TMEM25: variants seen among roughly 807,000 people sequenced by gnomAD.
TMEM25 encodes 0610039J01Rik.
A neutral mutation model predicts 37.0 loss-of-function variants in TMEM25; 36 were observed. That is an observed-to-expected ratio of 0.97 (90% CI 0.75 to 1.28). The LOEUF (loss-of-function observed/expected upper bound fraction) is 1.28. Ranked by LOEUF, TMEM25 falls within the 50% of genes most tolerant of loss-of-function variation. The pLI, the probability that TMEM25 is intolerant of heterozygous loss-of-function variation, is 0.00. For missense variants in TMEM25, 444 were observed against 477.9 expected, an observed-to-expected ratio of 0.93 and a Z score of 0.66; for synonymous variants, 197 against 203.7, an observed-to-expected ratio of 0.97 and a Z score of 0.28.
In TMEM25 at chr11:118,533,149, C is replaced by T. The variant is rs1591338546; in HGVS notation, c.615C>T (p.Asn205=). The change falls in exon 4 of 9, where the codon AAC becomes AAT. Residue 205 remains asparagine, a synonymous_variant. Coordinates refer to ENST00000313236, the MANE Select transcript of TMEM25 (RefSeq NM_032780.4). The part of the protein sequence containing the change: ...VQLQLRSLAH[N]LSVVATNDVG... ...TGCAGCTCCGCAGCCTGGCACACAA[C>T]CTCTCGGTGGTGGCCACCAATGACG... 7.5e-6 allele frequency: 12 copies of T among 1,609,286 alleles called. No homozygotes were observed. The East Asian group carries it at 2.0e-4, about 27-fold the overall frequency.
intron 8 of TMEM25, chr11:118,544,911 G>A: frequency 6.2e-7 from 1 of 1,600,696 alleles, no homozygotes; most frequent in African/African-American, 1.3e-5. Context: ...AGCTTGGGAA[G>A]TGTCTCAGCT....
In TMEM25 at chr11:118,534,030, G is replaced by A. The variant is rs782795849; in HGVS notation, c.838G>A (p.Asp280Asn). The A allele has an allele frequency of 2.5e-6, 4 of 1,614,064 alleles. No individual in the cohort carries two copies. The highest frequency in any genetic ancestry group is 1.3e-5 in the African/African-American group (1 of 75,012). ...TCCCGAACTTTGTCCTCCCTGTAGTGACTCCAACAACCTAAAACTCAACAA... is the reference window on the plus strand; with the variant it reads ...TCCCGAACTTTGTCCTCCCTGTAGTAACTCCAACAACCTAAAACTCAACAA... ...PSRHPSLISSDSNNLKLNNVR... is the reference protein window; with the variant it reads ...PSRHPSLISSNSNNLKLNNVR... The change falls in exon 7 of 9, where the codon GAC (aspartate) becomes AAC (asparagine). Residue 280 changes from aspartate (D) to asparagine (N), a missense_variant and splice_region_variant. Coordinates refer to ENST00000313236, the MANE Select transcript of TMEM25 (RefSeq NM_032780.4). The surrounding 1 kb of genome is among the most constrained non-coding windows in gnomAD (Gnocchi z 4.6).
In TMEM25 at chr11:118,535,629, G is replaced by A. The variant is rs782395851; in HGVS notation, c.*1049G>A. ...ATAATTCAACAGTGTGGAAGCTTTA[G>A]GGGAACATGGAGAAAGAAGGAGACC... is the stretch of plus-strand genomic sequence containing the variant. On this transcript the variant is annotated 3_prime_UTR_variant, in exon 9 of 9. Coordinates refer to ENST00000313236, the MANE Select transcript of TMEM25 (RefSeq NM_032780.4). The A allele has an allele frequency of 2.4e-5, 36 of 1,528,348 alleles. No homozygotes were observed. Among genetic ancestry groups the A allele is most frequent in the Middle Eastern group, 3.3e-4 (2 of 5,986 alleles). The allele number at this position is 1,528,348 out of a possible 1,614,324, so 94.7% of individuals were successfully genotyped here.
At chr11:118,536,421 G>A (rs1010769310), downstream of TMEM25, among the ~76,000 whole-genome samples, 6 of 151,890 alleles carry the variant, frequency 4.0e-5, no homozygotes, top group Non-Finnish European at 8.8e-5. Flanking sequence ...TTGAACTCCC[G>A]ACCTCAGGTG....
In TMEM25 at chr11:118,546,473, G is replaced by C. The variant is rs539252871; in HGVS notation, c.*326G>C. 11 of 300,302 alleles carry C rather than the reference G, an allele frequency of 3.7e-5. No homozygotes were observed. The South Asian group carries it at 5.4e-4, about 15-fold the overall frequency. The allele number at this position is 300,302 out of a possible 1,614,324, so 18.6% of individuals were successfully genotyped here. A position where few individuals can be genotyped will look rare whatever the true frequency, so the allele number is the denominator to read the frequency against. On this transcript the variant is annotated 3_prime_UTR_variant, in exon 9 of 9. Transcript: ENST00000354284. ...GCTACTGCACTCCAGCCTGGGCATA[G>C]AGTAATACCCTGTAAAAAAAAAGGA...
chr11:118,533,141 G>C lies in TMEM25; in HGVS notation c.607G>C (p.Ala203Pro). ...GGTGCAGCTGCAGCTCCGCAGCCTGGCACACAACCTCTCGGTGGTGGCCAC... is the reference window on the plus strand; with the variant it reads ...GGTGCAGCTGCAGCTCCGCAGCCTGCCACACAACCTCTCGGTGGTGGCCAC... ...HTVQLQLRSL[A>P]HNLSVVATND... The change falls in exon 4 of 9, where the codon GCA (alanine) becomes CCA (proline). Residue 203 changes from alanine to proline, a missense_variant. Coordinates refer to ENST00000313236, the MANE Select transcript of TMEM25 (RefSeq NM_032780.4). 6.2e-7 allele frequency: 1 copy of C among 1,610,838 alleles called. No individual in the cohort carries two copies. The highest frequency in any genetic ancestry group is 8.5e-7 in the Non-Finnish European group (1 of 1,179,958).
chr11:118,532,149 G>C lies in TMEM25; in HGVS notation c.71-1G>C. 6.4e-7 allele frequency: 1 copy of C among 1,558,632 alleles called. No homozygotes were observed. Among genetic ancestry groups the C allele is most frequent in the African/African-American group, 1.3e-5 (1 of 74,116 alleles). ...CCCAGAGGCCTCCTGCTGTGTTCCA[G>C]GTTGGGGGGAGTTGGAGCCACAAAT... On this transcript the variant is annotated splice_acceptor_variant, in intron 2 of 8. Coordinates refer to ENST00000313236, the MANE Select transcript of TMEM25 (RefSeq NM_032780.4). LOFTEE classifies it high-confidence loss of function.
chr11:118,546,433 G>A, exon 9 of TMEM25: 1 of 409,520 alleles, frequency 2.4e-6, no homozygotes, highest in South Asian at 2.9e-5. Flanking sequence ...TGAGGCTGCA[G>A]TGAGCTGAGA....
chr11:118,531,651 TG>T, intron 1 of TMEM25, 123 bp from the exon 2 acceptor site: 2 of 771,158 alleles, frequency 2.6e-6, no homozygotes, highest in Non-Finnish European at 4.1e-6. Flanking sequence ...CCTTCGCCAC[TG>T]GGGGCTGGTC....
In TMEM25 at chr11:118,534,932, C is replaced by T. The variant is rs1372260124; in HGVS notation, c.*352C>T. 14 of 1,164,122 alleles carry T rather than the reference C, an allele frequency of 1.2e-5. No individual in the cohort carries two copies. The highest frequency in any genetic ancestry group is 1.5e-5 in the Non-Finnish European group (14 of 935,394). The allele number at this position is 1,164,122 out of a possible 1,614,324, so 72.1% of individuals were successfully genotyped here. A position where few individuals can be genotyped will look rare whatever the true frequency, so the allele number is the denominator to read the frequency against. ...GTGGCATGGCCTGCTGTATACCCCA[C>T]CCCAGTACTCCACAGCACCTTGTAC... On this transcript the variant is annotated 3_prime_UTR_variant, in exon 9 of 9. Transcript: ENST00000313236. The surrounding 1 kb of genome is among the most constrained non-coding windows in gnomAD (Gnocchi z 4.6).
At position 118,535,526 on chromosome 11, in the gene TMEM25, G is replaced by T; in HGVS notation, c.*946G>T. On this transcript the variant is annotated 3_prime_UTR_variant, in exon 9 of 9. Transcript: ENST00000313236. ...CTCTCAGCATGTCTCCTCCACCACG[G>T]GACCCCAGCCCTGACCAACCCATGG... 6.5e-7 allele frequency: 1 copy of T among 1,533,680 alleles called. No individual in the cohort carries two copies. Among genetic ancestry groups the T allele is most frequent in the East Asian group, 2.4e-5 (1 of 40,828 alleles).
At chr11:118,539,144 G>A (rs1274030888), downstream of TMEM25, among the ~76,000 whole-genome samples, 1 of 145,856 alleles carries the variant, frequency 6.9e-6, no homozygotes, top group Non-Finnish European at 1.5e-5. Flanking sequence ...GTTGCTGTGC[G>A]TTTGAGGTCT....
rs189180385 is a variant in TMEM25, at chr11:118,543,285, C to T, written c.1028-2834C>T. On this transcript the variant is annotated intron_variant, in intron 8 of 8. Transcript: ENST00000354284. ...TCATAGTTAAAGGGTTTGTAAGAAA[C>T]AGTTCCTCTCCTACCCATGTGTTTA... Among the ~76,000 whole-genome samples the T allele has an allele frequency of 2.1e-3, 315 of 152,202 alleles. 2 individuals carry two copies. The highest frequency in any genetic ancestry group is 6.6e-3 in the African/African-American group (276 of 41,518).
chr11:118,534,736 G>A lies in TMEM25; in HGVS notation c.*156G>A. The A allele has an allele frequency of 6.9e-7, 1 of 1,452,694 alleles. No individual in the cohort carries two copies. Among genetic ancestry groups the A allele is most frequent in the African/African-American group, 1.4e-5 (1 of 70,740 alleles). 90.0% of individuals were successfully genotyped at this position (1,452,694 alleles called of 1,614,324 possible). A position where few individuals can be genotyped will look rare whatever the true frequency, so the allele number is the denominator to read the frequency against. On this transcript the variant is annotated 3_prime_UTR_variant, in exon 9 of 9. Transcript: ENST00000313236. This position sits in a 1 kb window ranked among gnomAD's most constrained non-coding sequence, Gnocchi z 4.6. ...GGGGTGCCCTCCATGTCATGCACGTGATGCATTTCACTGGGCTGTAACCCG... is the reference window on the plus strand; with the variant it reads ...GGGGTGCCCTCCATGTCATGCACGTAATGCATTTCACTGGGCTGTAACCCG...
Position 118,541,237 on chromosome 11 carries a change from C to T in TMEM25, c.1028-4882C>T, listed in dbSNP as rs545097740. On this transcript the variant is annotated intron_variant, in intron 8 of 8. Coordinates refer to the TMEM25 transcript ENST00000354284. ...CAGCACTTTGGGAGGCCAAGGCGGG[C>T]GGATCATGAGGTCAAGAGATCGAGA... Among the ~76,000 whole-genome samples the T allele has an allele frequency of 8.2e-4, 125 of 152,038 alleles. 1 individual carries two copies. The highest frequency in any genetic ancestry group is 1.5e-3 in the Non-Finnish European group (102 of 67,992).
chr11:118,545,581 C>A, intron 8 of TMEM25: 1 of 1,217,016 alleles, frequency 8.2e-7, no homozygotes, highest in Non-Finnish European at 1.2e-6. Context: ...AAAGCCCTGG[C>A]AGATGGGGTG....
exon 9 of TMEM25, chr11:118,546,194 C>A (rs533024622): frequency 2.8e-6 from 2 of 717,636 alleles, no homozygotes; most frequent in South Asian, 3.0e-5. Context: ...AAGAAGAGAC[C>A]CCTCAGAAGA....
At position 118,533,091 on chromosome 11, in the gene TMEM25, ACT is replaced by A; in HGVS notation, c.558_559del (p.Asn186LysfsTer27). 6.2e-7 allele frequency: 1 copy of A among 1,613,758 alleles called. No individual in the cohort carries two copies. Among genetic ancestry groups the A allele is most frequent in the Non-Finnish European group, 8.5e-7 (1 of 1,179,998 alleles). ...GACTTCCTGGTGCTGGATGCGCAGA[ACT>A]ACCCCTGGCTCACCAACCACACGGT... is the stretch of plus-strand genomic sequence containing the variant. On this transcript the variant is annotated frameshift_variant, in exon 4 of 9. Coordinates refer to ENST00000313236, the MANE Select transcript of TMEM25 (RefSeq NM_032780.4). LOFTEE classifies it high-confidence loss of function.
Position 118,535,673 on chromosome 11 carries a change from T to TTTTTA in TMEM25, c.*1093_*1094insTTTTA. On this transcript the variant is annotated 3_prime_UTR_variant, in exon 9 of 9. Transcript: ENST00000313236. Reference sequence around the variant, plus strand: ...GGAGACCACATACCCCAAAGTGACCTAAGAACACTTTAAAAAGCAACATGT... The same window carrying TTTTTA: ...GGAGACCACATACCCCAAAGTGACCTTTTTAAAGAACACTTTAAAAAGCAACATGT... 6.7e-7 allele frequency: 1 copy of TTTTTA among 1,481,596 alleles called. No homozygotes were observed. Among genetic ancestry groups the TTTTTA allele is most frequent in the South Asian group, 1.3e-5 (1 of 77,672 alleles). The allele number at this position is 1,481,596 out of a possible 1,614,324, so 91.8% of individuals were successfully genotyped here.
Sources: allele counts gnomAD v4.1 joint callset (sites outside exome capture counted in the v4.1 genomes callset), GRCh38; gene constraint gnomAD v4.1.1; non-coding constraint Gnocchi (gnomAD v3.1); transcripts MANE v1.5; gene names NCBI Gene and HGNC (gene_info 2026-07-23, HGNC 2026-07-21).